Variants in SORCS3 observed in about 807,000 individuals in gnomAD.
The protein encoded by SORCS3 is sortilin related VPS10 domain containing receptor 3.
Under a neutral mutation model 146.3 loss-of-function variants are expected in SORCS3, and 57 were observed. The observed-to-expected ratio is 0.39, with a 90% CI of 0.31 to 0.49. SORCS3 has a LOEUF of 0.49. SORCS3 is among the 20% of genes least tolerant of loss of function. The pLI is 0.92. For missense variants in SORCS3, 1,341 were observed against 1,575.5 expected (o/e 0.85, Z 2.52); for synonymous variants, 653 against 618.5 (o/e 1.06, Z -0.83).
chr10:105,091,160 C>T (rs1334306651), intron 6 of SORCS3, among the ~76,000 whole-genome samples: 3 of 125,116 alleles, frequency 2.4e-5, no homozygotes, highest in African/African-American at 8.9e-5. Flanking sequence ...CTTCCCTTCC[C>T]TTCCCTTCCT....
chr10:105,057,477 TA>T (rs914227666), intron 5 of SORCS3, among the ~76,000 whole-genome samples: 4 of 152,120 alleles, frequency 2.6e-5, no homozygotes, highest in Non-Finnish European at 4.4e-5. Context: ...CTTGAATGGT[TA>T]AAGTCTTTGC....
chr10:105,241,364 G>T (rs1434781819), intron 20 of SORCS3, among the ~76,000 whole-genome samples: 1 of 152,192 alleles, frequency 6.6e-6, no homozygotes, highest in African/African-American at 2.4e-5. Flanking sequence ...CAGGGGGAGC[G>T]CAGCAGCCCC....
intron 1 of SORCS3, among the ~76,000 whole-genome samples, chr10:104,816,435 G>A (rs1467462333): frequency 6.6e-6 from 1 of 152,120 alleles, no homozygotes; most frequent in East Asian, 1.9e-4. Flanking sequence ...GTGGGTCTTA[G>A]ACTAACCATT....
chr10:105,245,418 T>G, intron 20 of SORCS3, 124 bp from the exon 21 acceptor site: 1 of 1,150,936 alleles, frequency 8.7e-7, no homozygotes, highest in Non-Finnish European at 1.3e-6. Flanking sequence ...AGAAACGGTA[T>G]AACGTTTGTT....
At chr10:105,169,779 C>T (rs897068214) in intron 13 of SORCS3, among the ~76,000 whole-genome samples, 3 of 152,068 alleles carry the variant, frequency 2.0e-5, no homozygotes, top group African/African-American at 7.2e-5. Context: ...TCAGAGAAGA[C>T]AGCTTGAGTC....
chr10:105,135,405 G>T (rs889401148), intron 7 of SORCS3, among the ~76,000 whole-genome samples: 1 of 152,158 alleles, frequency 6.6e-6, no homozygotes, highest in Non-Finnish European at 1.5e-5. Context: ...AAGATCTCTG[G>T]TATGCCTTCT....
intron 2 of SORCS3, among the ~76,000 whole-genome samples, chr10:104,907,613 G>T (rs565927552): frequency 1.3e-5 from 2 of 152,136 alleles, no homozygotes; most frequent in African/African-American, 4.8e-5. Flanking sequence ...CCAATTTTCC[G>T]CATTTAGAAC....
At chr10:105,221,342 G>A (rs1327478721) in intron 19 of SORCS3, among the ~76,000 whole-genome samples, 1 of 152,156 alleles carries the variant, frequency 6.6e-6, no homozygotes, top group African/African-American at 2.4e-5. Context: ...AATGCTCACT[G>A]AAGTCCTTAG....
intron 4 of SORCS3, among the ~76,000 whole-genome samples, chr10:105,026,506 A>G (rs1434959743): frequency 6.6e-6 from 1 of 152,226 alleles, no homozygotes; most frequent in Non-Finnish European, 1.5e-5. Flanking sequence ...AAATTGTTCT[A>G]CCAAAAGGAC....
At chr10:105,203,777 A>G (rs149550964) in intron 16 of SORCS3, among the ~76,000 whole-genome samples, 6 of 152,340 alleles carry the variant, frequency 3.9e-5, no homozygotes, top group Admixed American at 6.5e-5. Flanking sequence ...ATATATTAAT[A>G]TACATCATTA....
chr10:105,245,730 C>T, intron 21 of SORCS3, 65 bp downstream of exon 21: 1 of 1,552,938 alleles, frequency 6.4e-7, no homozygotes, highest in Non-Finnish European at 8.7e-7. Flanking sequence ...GTCCACTCTC[C>T]CTACAATCAT....
At chr10:105,134,106 T>C (rs1247390681) in intron 7 of SORCS3, among the ~76,000 whole-genome samples, 1 of 152,220 alleles carries the variant, frequency 6.6e-6, no homozygotes, top group Non-Finnish European at 1.5e-5. Flanking sequence ...TCTATTGTGT[T>C]ATTGCAGTGA....
chr10:104,755,802 C>A (rs971669313), intron 1 of SORCS3, among the ~76,000 whole-genome samples: 2 of 152,170 alleles, frequency 1.3e-5, no homozygotes, highest in African/African-American at 4.8e-5. Context: ...CCATTTTTGC[C>A]TTTCCTCATC....
chr10:104,995,157 TC>T (rs2055017013), intron 4 of SORCS3, among the ~76,000 whole-genome samples: 1 of 148,710 alleles, frequency 6.7e-6, no homozygotes, highest in African/African-American at 2.6e-5. Flanking sequence ...TTTCTTTCTT[TC>T]TTTCTCTTTT....
At chr10:105,163,096 C>T (rs1172600669) in intron 11 of SORCS3, among the ~76,000 whole-genome samples, 1 of 152,136 alleles carries the variant, frequency 6.6e-6, no homozygotes, top group Admixed American at 6.5e-5. Context: ...ACTCCTCCCA[C>T]ACCTACTGCC....
intron 4 of SORCS3, among the ~76,000 whole-genome samples, chr10:105,016,338 A>G (rs1052505882): frequency 6.6e-6 from 1 of 150,914 alleles, no homozygotes; most frequent in African/African-American, 2.4e-5. Flanking sequence ...TTTAGTAAAG[A>G]TAAGGTTTCA....
intron 4 of SORCS3, among the ~76,000 whole-genome samples, chr10:105,029,755 G>T (rs1334725986): frequency 6.6e-6 from 1 of 152,222 alleles, no homozygotes; most frequent in Non-Finnish European, 1.5e-5. Context: ...TCAGCTAGTT[G>T]TCATCCCCCA....
At chr10:105,252,682 A>G (rs1265807799) in intron 22 of SORCS3, 93 bp from the exon 23 acceptor site, 68 of 1,507,862 alleles carry the variant, frequency 4.5e-5, no homozygotes, top group Non-Finnish European at 5.8e-5. Context: ...AAAAACTCAC[A>G]TGAGCCATCT....
chr10:104,825,962 C>T (rs1363228041), intron 1 of SORCS3, among the ~76,000 whole-genome samples: 1 of 152,138 alleles, frequency 6.6e-6, no homozygotes, highest in African/African-American at 2.4e-5. Context: ...ATTCAGTTAC[C>T]AAATTCTGCA....
Sources: allele counts gnomAD v4.1 joint callset (sites outside exome capture counted in the v4.1 genomes callset), GRCh38; gene constraint gnomAD v4.1.1; transcripts MANE v1.5; gene names NCBI Gene and HGNC (gene_info 2026-07-23, HGNC 2026-07-21).